PTPRS: variants seen among roughly 807,000 people sequenced by gnomAD.
PTPRS encodes receptor-type tyrosine-protein phosphatase S.
In PTPRS, 63 loss-of-function variants were observed where a neutral mutation model predicts 215.3. The ratio of observed to expected loss-of-function variants is 0.29; its 90% CI spans 0.24 to 0.36. PTPRS has a LOEUF of 0.36. PTPRS is among the 10% of genes least tolerant of loss of function. The pLI is 1.00. For synonymous variants in PTPRS, 1,404 were observed against 1,191.4 expected (o/e 1.18, Z -3.68); for missense variants, 2,258 against 2,825.8 (o/e 0.80, Z 4.56).
At chr19:5,218,999 G>T in intron 23 of PTPRS, 1 of 653,210 alleles carries the variant, frequency 1.5e-6, no homozygotes, top group Non-Finnish European at 2.6e-6. Flanking sequence ...TCTCAGCCCT[G>T]GGATGTGCCC....
Position 5,215,370 on chromosome 19 carries a change from G to C in PTPRS, c.4237C>G (p.Leu1413Val). 6.2e-7 allele frequency: 1 copy of C among 1,614,124 alleles called. No individual in the cohort carries two copies. The highest frequency in any genetic ancestry group is 8.5e-7 in the Non-Finnish European group (1 of 1,180,018). The change falls in exon 28 of 38, where the codon CTG becomes GTG. Residue 1413 changes from leucine (L) to valine (V), a missense_variant. Coordinates refer to ENST00000262963, the MANE Select transcript of PTPRS (RefSeq NM_002850.4). ...GQQFTWEHSNLEVNKPKNRYA... is the reference protein window; with the variant it reads ...GQQFTWEHSNVEVNKPKNRYA... ...CGGTTCTTCGGCTTGTTCACTTCCA[G>C]GTTGGAATGTTCCCATGTGAACTGC...
intron 21 of PTPRS, 47 bp from the exon 22 acceptor site, chr19:5,220,201 C>G (rs1307762693): frequency 7.5e-6 from 12 of 1,609,004 alleles, no homozygotes; most frequent in Non-Finnish European, 9.3e-6. Context: ...CTGGGAGCAA[C>G]AGAGCACGTG....
intron 1 of PTPRS, among the ~76,000 whole-genome samples, chr19:5,315,539 A>ATT (rs113686715): frequency 6.6e-6 from 1 of 150,682 alleles, no homozygotes; most frequent in Non-Finnish European, 1.5e-5. Flanking sequence ...AATTTTTAAA[A>ATT]TTTTTTTCAG....
chr19:5,328,831 C>A (rs933531486), intron 1 of PTPRS, among the ~76,000 whole-genome samples: 1 of 152,138 alleles, frequency 6.6e-6, no homozygotes, highest in Non-Finnish European at 1.5e-5. Context: ...GTTGAGGTCA[C>A]TGTGGCTGCC....
chr19:5,224,707 G>C (rs1055868411), intron 17 of PTPRS, among the ~76,000 whole-genome samples: 2 of 152,150 alleles, frequency 1.3e-5, no homozygotes, highest in African/African-American at 4.8e-5. Context: ...ATGTCCCTGA[G>C]AGAGGAGGGA....
rs897567841 is a variant in PTPRS at position 5,292,832 on chromosome 19, C to T, written c.-94-6598G>A. 3.3e-5 allele frequency: 5 copies of T among 152,410 alleles called. No individual in the cohort carries two copies. In the East Asian group the frequency reaches 7.8e-4, roughly 24 times the overall value. The allele number at this position is 152,410 out of a possible 1,614,324, so 9.4% of individuals were successfully genotyped here. A position where few individuals can be genotyped will look rare whatever the true frequency, so the allele number is the denominator to read the frequency against. On this transcript the variant is annotated intron_variant, in intron 1 of 37. Coordinates refer to ENST00000262963, the MANE Select transcript of PTPRS (RefSeq NM_002850.4). ...AAGGCTGCCCCGCGCCTGGCTCCGC[C>T]CCCGGGAGGTGGGGGAGGAGAGGGG...
intron 4 of PTPRS, 152 bp from the exon 5 acceptor site, chr19:5,265,348 C>G (rs2046323201): frequency 1.5e-6 from 1 of 686,628 alleles, no homozygotes; most frequent in Admixed American, 3.0e-5. Context: ...AGCCAGTTCT[C>G]TCTCTTTTTT....
intron 30 of PTPRS, 90 bp from the exon 31 acceptor site, chr19:5,212,581 T>C (rs1302641309): frequency 2.1e-6 from 3 of 1,457,168 alleles, no homozygotes; most frequent in Non-Finnish European, 2.8e-6. Context: ...TGGTGGCTCA[T>C]GCCTGTTATC....
intron 11 of PTPRS, among the ~76,000 whole-genome samples, chr19:5,242,304 G>A (rs904712441): frequency 6.6e-6 from 1 of 152,256 alleles, no homozygotes; most frequent in Non-Finnish European, 1.5e-5. Context: ...CTACCCGGGT[G>A]TTTGATCTTA....
chr19:5,217,612 T>C (rs1422455528), intron 25 of PTPRS, among the ~76,000 whole-genome samples: 2 of 152,098 alleles, frequency 1.3e-5, no homozygotes, highest in Admixed American at 6.6e-5. Context: ...ACTAAAGACA[T>C]CAGTGAAATA....
At position 5,229,617 on chromosome 19, in the gene PTPRS, C is replaced by T; in HGVS notation, c.2223G>A (p.Trp741Ter). The change falls in exon 15 of 38, where the codon TGG becomes TGA. Residue 741 changes from tryptophan to a stop codon, truncating the protein, a stop_gained. Coordinates refer to ENST00000262963, the MANE Select transcript of PTPRS (RefSeq NM_002850.4). LOFTEE classifies it high-confidence loss of function. ...ALNATAIRVL[W>*]RSPAPGRQHG... ...GCTGCCGGCCGGGCGCGGGCGAGCG[C>T]CACAGCACGCGGATGGCCGTGGCGT... 1.4e-6 allele frequency: 2 copies of T among 1,406,668 alleles called. No homozygotes were observed. Among genetic ancestry groups the T allele is most frequent in the South Asian group, 1.5e-5 (1 of 66,084 alleles). 87.1% of individuals were successfully genotyped at this position (1,406,668 alleles called of 1,614,324 possible).
rs1159643068 is a variant in PTPRS at position 5,206,436 on chromosome 19, T to C, written c.*338A>G. On this transcript the variant is annotated 3_prime_UTR_variant, in exon 38 of 38. Coordinates refer to ENST00000262963, the MANE Select transcript of PTPRS (RefSeq NM_002850.4). ...TGGGGGAGGACGAGGGGTCCGTCTA[T>C]GGTCTGTGCCCCACCCTCCTCTGGT... 2 of 349,632 alleles carry C rather than the reference T, an allele frequency of 5.7e-6. No individual in the cohort carries two copies. The highest frequency in any genetic ancestry group is 4.5e-5 in the Admixed American group (1 of 22,056). The allele number at this position is 349,632 out of a possible 1,614,324, so 21.7% of individuals were successfully genotyped here. A position where few individuals can be genotyped will look rare whatever the true frequency, so the allele number is the denominator to read the frequency against.
chr19:5,289,745 G>T (rs927524798), intron 1 of PTPRS, among the ~76,000 whole-genome samples: 1 of 152,210 alleles, frequency 6.6e-6, no homozygotes, highest in South Asian at 2.1e-4. Context: ...TGGGGGCAAG[G>T]GTGTCTCTGC....
At chr19:5,302,185 G>A (rs1392056974) in intron 1 of PTPRS, among the ~76,000 whole-genome samples, 1 of 152,016 alleles carries the variant, frequency 6.6e-6, no homozygotes, top group Non-Finnish European at 1.5e-5. Flanking sequence ...GCAACAAAGA[G>A]AGACCCCCGT....
chr19:5,245,191 T>C (rs1047590621), intron 10 of PTPRS, among the ~76,000 whole-genome samples: 13 of 150,782 alleles, frequency 8.6e-5, no homozygotes, highest in Admixed American at 2.6e-4. Flanking sequence ...GGTTTCACCA[T>C]GTTGGCCAGG....
At chr19:5,268,847 A>C (rs2046655256) in intron 4 of PTPRS, among the ~76,000 whole-genome samples, 1 of 152,244 alleles carries the variant, frequency 6.6e-6, no homozygotes, top group African/African-American at 2.4e-5. Context: ...GAAGCTGAGC[A>C]GGACCGGCTG....
intron 1 of PTPRS, among the ~76,000 whole-genome samples, chr19:5,324,311 C>T (rs768407685): frequency 6.6e-6 from 1 of 151,250 alleles, no homozygotes; most frequent in Non-Finnish European, 1.5e-5. Context: ...CAGTCCGGCA[C>T]ACAGCAAGTG....
chr19:5,213,076 CT>C (rs2041075270), intron 30 of PTPRS, among the ~76,000 whole-genome samples: 1 of 152,026 alleles, frequency 6.6e-6, no homozygotes, highest in Non-Finnish European at 1.5e-5. Flanking sequence ...AACTCTTCCC[CT>C]CTCACATCCA....
rs1220144192 is a variant in PTPRS, at chr19:5,257,493, G to C, written c.706+524C>G. On this transcript the variant is annotated intron_variant, in intron 8 of 37. Transcript: ENST00000262963. The surrounding 1 kb of genome is among the most constrained non-coding windows in gnomAD (Gnocchi z 4.4). ...CCGGACCAGCTGGTGGGGGGTGGGA[G>C]GGGCAGCCTCGAAGACCCCTCCTCA... The C allele has an allele frequency of 2.9e-5, 13 of 456,096 alleles. No individual in the cohort carries two copies. The highest frequency in any genetic ancestry group is 1.9e-4 in the South Asian group (12 of 64,488). The allele number at this position is 456,096 out of a possible 1,614,324, so 28.3% of individuals were successfully genotyped here. A position where few individuals can be genotyped will look rare whatever the true frequency, so the allele number is the denominator to read the frequency against.
Sources: allele counts gnomAD v4.1 joint callset (sites outside exome capture counted in the v4.1 genomes callset), GRCh38; gene constraint gnomAD v4.1.1; non-coding constraint Gnocchi (gnomAD v3.1); transcripts MANE v1.5; gene names NCBI Gene and HGNC (gene_info 2026-07-23, HGNC 2026-07-21).